MAST2: variants seen among roughly 807,000 people sequenced by gnomAD.
MAST2 encodes microtubule-associated serine/threonine-protein kinase 2.
MAST2 carries 70 observed loss-of-function variants against 147.4 expected under a neutral mutation model. That is an observed-to-expected ratio of 0.47 (90% CI 0.39 to 0.58). MAST2 has a LOEUF of 0.58. MAST2 is among the 20% of genes least tolerant of loss of function. The pLI is 0.00. For missense variants in MAST2, 2,080 were observed against 2,302.3 expected, an observed-to-expected ratio of 0.90 and a Z score of 1.98; for synonymous variants, 869 against 896.8, an observed-to-expected ratio of 0.97 and a Z score of 0.55.
intron 5 of MAST2, among the ~76,000 whole-genome samples, chr1:45,983,096 G>A (rs1411011358): frequency 6.6e-6 from 1 of 151,978 alleles, no homozygotes; most frequent in Non-Finnish European, 1.5e-5. Context: ...CTATTACCCT[G>A]GCAACAACTC....
rs534209194 is a variant in MAST2 at position 45,950,238 on chromosome 1, C to T, written c.501-9148C>T. Among the ~76,000 whole-genome samples, 7 of 152,140 alleles carry T rather than the reference C, an allele frequency of 4.6e-5. No individual in the cohort carries two copies. In the South Asian group the frequency reaches 1.2e-3, roughly 27 times the overall value. On this transcript the variant is annotated intron_variant, in intron 4 of 28. Coordinates refer to ENST00000361297, the MANE Select transcript of MAST2 (RefSeq NM_015112.3). ...AAAATAATAATAATAACAGTGGGAG[C>T]CAGCTTTGAAGCTTCCAAAAATGGG...
intron 10 of MAST2, among the ~76,000 whole-genome samples, chr1:46,016,683 A>G (rs1396012875): frequency 6.6e-6 from 1 of 152,208 alleles, no homozygotes; most frequent in East Asian, 1.9e-4. Flanking sequence ...GGATACAAAC[A>G]AATGGAAGAG....
intron 4 of MAST2, among the ~76,000 whole-genome samples, chr1:45,906,160 T>C (rs1320257052): frequency 6.6e-6 from 1 of 152,218 alleles, no homozygotes; most frequent in Non-Finnish European, 1.5e-5. Context: ...TTGTACAAGT[T>C]ATTTATATAT....
At chr1:45,984,758 C>T (rs1644548012) in intron 5 of MAST2, among the ~76,000 whole-genome samples, 1 of 152,008 alleles carries the variant, frequency 6.6e-6, no homozygotes. Context: ...GAGGCCAACG[C>T]GGGAGGATTG....
chr1:45,876,372 T>A (rs572613271), intron 3 of MAST2, among the ~76,000 whole-genome samples: 2 of 152,330 alleles, frequency 1.3e-5, no homozygotes, highest in African/African-American at 4.8e-5. Flanking sequence ...GGGAATTTAT[T>A]TCCTTATCTG....
At chr1:45,933,217 TG>T (rs1655613401) in intron 4 of MAST2, among the ~76,000 whole-genome samples, 1 of 112,262 alleles carries the variant, frequency 8.9e-6, no homozygotes, top group Non-Finnish European at 1.7e-5. Flanking sequence ...AGCAAGACCC[TG>T]TCTCTTTAAA....
chr1:45,888,962 C>G (rs571420182), intron 4 of MAST2, among the ~76,000 whole-genome samples: 1 of 151,992 alleles, frequency 6.6e-6, no homozygotes, highest in African/African-American at 2.4e-5. Context: ...AGGCCTGAGC[C>G]ACTGTGCCCG....
At chr1:45,815,538 G>GT (rs905351276) in intron 1 of MAST2, among the ~76,000 whole-genome samples, 124 of 151,598 alleles carry the variant, frequency 8.2e-4, no homozygotes, top group African/African-American at 2.8e-3. Context: ...GTTGTTAATA[G>GT]TTTTTTTTTA....
At chr1:45,823,244 C>A (rs1398566821) in intron 1 of MAST2, among the ~76,000 whole-genome samples, 1 of 147,476 alleles carries the variant, frequency 6.8e-6, no homozygotes, top group African/African-American at 2.5e-5. Flanking sequence ...AAATTTCCTC[C>A]TTTTTTGCCC....
intron 4 of MAST2, among the ~76,000 whole-genome samples, chr1:45,886,285 T>C (rs1647082295): frequency 7.2e-6 from 1 of 139,360 alleles, no homozygotes; most frequent in Admixed American, 7.6e-5. Flanking sequence ...TTATATATTG[T>C]ATACATATTT....
chr1:45,965,815 A>C (rs1299087837), intron 5 of MAST2, among the ~76,000 whole-genome samples: 1 of 152,026 alleles, frequency 6.6e-6, no homozygotes, highest in Non-Finnish European at 1.5e-5. Flanking sequence ...CCTCACCTAT[A>C]TATAGGCTCC....
intron 1 of MAST2, among the ~76,000 whole-genome samples, chr1:45,818,037 G>A (rs1474386569): frequency 1.3e-5 from 2 of 152,222 alleles, no homozygotes; most frequent in African/African-American, 4.8e-5. Context: ...GCTTGAAGAA[G>A]TGGTAGTTGG....
At chr1:45,923,564 G>GCTC (rs766180569) in intron 4 of MAST2, among the ~76,000 whole-genome samples, 117 of 152,254 alleles carry the variant, frequency 7.7e-4, no homozygotes, top group Admixed American at 2.2e-3. Context: ...AGGGTGCAGA[G>GCTC]AGATTAAATA....
rs1389393174 is a variant in MAST2, at chr1:46,032,190, G to A, written c.3200G>A (p.Cys1067Tyr). The A allele has an allele frequency of 6.2e-7, 1 of 1,614,054 alleles. No homozygotes were observed. Among genetic ancestry groups the A allele is most frequent in the Non-Finnish European group, 8.5e-7 (1 of 1,179,970 alleles). Reference protein sequence around the residue: ...SLLIPSEHHTCSPLASPMSPH... With the variant: ...SLLIPSEHHTYSPLASPMSPH... ...TCTCCTTCTCCAGAACACCACACCT[G>A]CTCCCCGTTGGCCAGCCCCATGTCC... Residue 1067 changes from cysteine to tyrosine, a missense_variant, in exon 25 of 29, where the codon TGC becomes TAC. This residue lies in a region of MAST2 where 1,278 missense variants were observed against 1,304.2 expected (regional missense o/e 0.98). Coordinates refer to ENST00000361297, the MANE Select transcript of MAST2 (RefSeq NM_015112.3).
chr1:46,019,657 T>A lies in MAST2; in HGVS notation c.1250T>A (p.Met417Lys). The change falls in exon 11 of 29, where the codon ATG becomes AAG. Residue 417 changes from methionine (M) to lysine (K), a missense_variant. This residue lies in a region of MAST2 where 569 missense variants were observed against 642.5 expected (regional missense o/e 0.89). Transcript: ENST00000361297. ...AFVMQLVKKL[M>K]IIIARPARLL... is the part of the protein sequence containing the mutation. ...GTGATGCAGCTGGTGAAAAAGCTGA[T>A]GATTATCATTGCCCGCCCAGCACGT... 6.2e-7 allele frequency: 1 copy of A among 1,614,148 alleles called. No homozygotes were observed. Among genetic ancestry groups the A allele is most frequent in the Non-Finnish European group, 8.5e-7 (1 of 1,180,020 alleles).
chr1:45,901,942 ACT>A (rs1649835510), intron 4 of MAST2, among the ~76,000 whole-genome samples: 1 of 151,914 alleles, frequency 6.6e-6, no homozygotes. Context: ...AATTTGACTA[ACT>A]CTGTTCCTAT....
At chr1:45,892,438 A>G (rs953965717) in intron 4 of MAST2, among the ~76,000 whole-genome samples, 2 of 152,228 alleles carry the variant, frequency 1.3e-5, no homozygotes, top group African/African-American at 4.8e-5. Flanking sequence ...AATTACTATA[A>G]TCATTTCTTA....
chr1:46,022,279 TGATA>T (rs1646220801), intron 12 of MAST2, among the ~76,000 whole-genome samples, 197 bp downstream of exon 12: 1 of 152,254 alleles, frequency 6.6e-6, no homozygotes. Context: ...CACATCTGCC[TGATA>T]GATCCCAACC....
intron 5 of MAST2, among the ~76,000 whole-genome samples, chr1:45,989,760 G>A (rs1434199749): frequency 6.6e-6 from 1 of 151,744 alleles, no homozygotes; most frequent in Non-Finnish European, 1.5e-5. Flanking sequence ...ATTTCCCGCT[G>A]GCACCATTGA....
Sources: allele counts gnomAD v4.1 joint callset (sites outside exome capture counted in the v4.1 genomes callset), GRCh38; gene constraint gnomAD v4.1.1; regional missense constraint gnomAD v4.1.1; transcripts MANE v1.5; gene names NCBI Gene and HGNC (gene_info 2026-07-23, HGNC 2026-07-21).